SMCHD1: variants seen among roughly 807,000 people sequenced by gnomAD.
SMCHD1 encodes the protein structural maintenance of chromosomes flexible hinge domain-containing protein 1.
A neutral mutation model predicts 254.7 loss-of-function variants in SMCHD1; 78 were observed. The observed-to-expected ratio is 0.31, with a 90% confidence interval of 0.26 to 0.37. The LOEUF is 0.37. SMCHD1 is among the 10% of genes least tolerant of loss of function. SMCHD1 has a pLI of 1.00. For missense variants in SMCHD1, 1,840 were observed against 2,408.1 expected (o/e 0.76, Z 4.94); for synonymous variants, 766 against 794.9 (o/e 0.96, Z 0.61).
chr18:2,708,344 G>T (rs1030641419), intron 17 of SMCHD1, among the ~76,000 whole-genome samples: 8 of 152,028 alleles, frequency 5.3e-5, no homozygotes, highest in Non-Finnish European at 1.2e-4. Flanking sequence ...GAGGTTCTGG[G>T]TGAGCCTTGC....
chr18:2,690,647 T>TC (rs34548941), intron 7 of SMCHD1, among the ~76,000 whole-genome samples: 1 of 118,174 alleles, frequency 8.5e-6, no homozygotes, highest in Non-Finnish European at 1.9e-5. Context: ...AATTTTTTTC[T>TC]TTTTTTTTTT....
At chr18:2,689,372 C>T (rs888796011) in intron 7 of SMCHD1, among the ~76,000 whole-genome samples, 3 of 151,638 alleles carry the variant, frequency 2.0e-5, no homozygotes, top group Non-Finnish European at 4.4e-5. Flanking sequence ...TGCCTGCCAC[C>T]ATGCCCTGCT....
intron 32 of SMCHD1, 74 bp from the exon 33 acceptor site, chr18:2,751,204 A>C (rs1238354262): frequency 1.3e-6 from 1 of 753,818 alleles, no homozygotes; most frequent in East Asian, 2.9e-5. Flanking sequence ...TGTTTGCTTT[A>C]AGGCATACAA....
At chr18:2,702,158 T>C (rs2074414085) in intron 12 of SMCHD1, 1 of 152,024 alleles carries the variant, frequency 6.6e-6, no homozygotes, top group Non-Finnish European at 1.5e-5. Flanking sequence ...TATTTTCTAA[T>C]TTTGAAACAT....
intron 29 of SMCHD1, 97 bp from the exon 30 acceptor site, chr18:2,747,425 A>C: frequency 1.8e-6 from 2 of 1,092,474 alleles, no homozygotes; most frequent in Non-Finnish European, 2.5e-6. Context: ...CAAATAGAAC[A>C]GAGATAAATT....
At chr18:2,673,156 A>T in intron 3 of SMCHD1, 125 bp from the exon 4 acceptor site, 7 of 1,350,356 alleles carry the variant, frequency 5.2e-6, no homozygotes, top group Non-Finnish European at 6.7e-6. Flanking sequence ...TATCATTAGG[A>T]TCAGGATAAT....
intron 44 of SMCHD1, among the ~76,000 whole-genome samples, chr18:2,781,595 A>G (rs975814502): frequency 6.6e-6 from 1 of 152,224 alleles, no homozygotes; most frequent in Non-Finnish European, 1.5e-5. Context: ...AGAACAAGTT[A>G]AATTGAAAAA....
intron 37 of SMCHD1, among the ~76,000 whole-genome samples, chr18:2,768,439 G>C (rs1239088966): frequency 6.6e-6 from 1 of 151,934 alleles, no homozygotes; most frequent in Admixed American, 6.6e-5. Context: ...TCTTATAAGG[G>C]AAATTTGATA....
In SMCHD1 at chr18:2,728,148, T is replaced by C. The variant is rs141720890; in HGVS notation, c.2774-309T>C. Among the ~76,000 whole-genome samples the C allele has an allele frequency of 4.0e-3, 615 of 152,236 alleles. 6 individuals are homozygous for C. Among genetic ancestry groups the C allele is most frequent in the Non-Finnish European group, 5.9e-3 (398 of 67,940 alleles). On this transcript the variant is annotated intron_variant, in intron 22 of 47. Coordinates refer to ENST00000320876, the MANE Select transcript of SMCHD1 (RefSeq NM_015295.3). ...ATAAGCTGTTATTTTTGTTTTTGAA[T>C]ACCTTTTTCCCAGTATCTTTTAAAG...
intron 8 of SMCHD1, among the ~76,000 whole-genome samples, chr18:2,696,270 G>A (rs1000828317): frequency 1.3e-5 from 2 of 152,212 alleles, no homozygotes; most frequent in South Asian, 2.1e-4. Flanking sequence ...GGTCCCCAAC[G>A]CCCCGGTCGT....
At chr18:2,696,779 G>A (rs567711219) in intron 8 of SMCHD1, among the ~76,000 whole-genome samples, 8 of 152,198 alleles carry the variant, frequency 5.3e-5, no homozygotes, top group South Asian at 4.2e-4. Context: ...TGAAGCCCAC[G>A]GCTCCCTAAC....
chr18:2,800,002 G>A (rs1056863777), intron 47 of SMCHD1, among the ~76,000 whole-genome samples: 1 of 152,026 alleles, frequency 6.6e-6, no homozygotes. Flanking sequence ...TTCATTTTGC[G>A]TTCACGTTTG....
intron 26 of SMCHD1, among the ~76,000 whole-genome samples, chr18:2,738,931 CAT>C (rs3037637): frequency 0.19 from 29,068 of 152,106 alleles, 3,049 homozygotes; most frequent in South Asian, 0.27. Context: ...ATGTAGAACT[CAT>C]ATTGAAGGGA....
At position 2,763,895 on chromosome 18, in the gene SMCHD1, A is replaced by G. The variant is rs1288253662; in HGVS notation, c.4719+106A>G. ...GTATAGCTATGAAGATGTTCTAATC[A>G]TAGCACTAAATTGGGAAGTCAGCTG... On this transcript the variant is annotated intron_variant, in intron 37 of 47. Coordinates refer to ENST00000320876, the MANE Select transcript of SMCHD1 (RefSeq NM_015295.3). 5.9e-6 allele frequency: 6 copies of G among 1,021,936 alleles called. No individual in the cohort carries two copies. The East Asian group carries it at 1.7e-4, about 29-fold the overall frequency. The allele number at this position is 1,021,936 out of a possible 1,614,324, so 63.3% of individuals were successfully genotyped here.
chr18:2,666,693 A>G (rs563518580), intron 2 of SMCHD1, among the ~76,000 whole-genome samples, 177 bp from the exon 3 acceptor site: 1 of 152,322 alleles, frequency 6.6e-6, no homozygotes, highest in South Asian at 2.1e-4. Flanking sequence ...GGAAGGAAGT[A>G]TTTGTGCTTG....
intron 45 of SMCHD1, among the ~76,000 whole-genome samples, chr18:2,795,732 CTT>C (rs1186045323): frequency 6.6e-6 from 1 of 152,180 alleles, no homozygotes; most frequent in Non-Finnish European, 1.5e-5. Context: ...CAGAAGTAAA[CTT>C]AAGTCAAACA....
Position 2,796,469 on chromosome 18 carries a change from G to C in SMCHD1, c.5941G>C (p.Asp1981His). Residue 1981 changes from aspartate (D) to histidine (H), a missense_variant, in exon 47 of 48, where the codon GAT becomes CAT. Asp to His is a moderately conservative substitution (Grantham distance 81). This residue lies in a region of SMCHD1 where 132 missense variants were observed against 138.2 expected (regional missense o/e 0.95). Transcript: ENST00000320876. ...TCATTCACCAAAGGTTGAGACGACAGATTGTCCAGTTCCTCCTAAAAGAAT... is the reference window on the plus strand; with the variant it reads ...TCATTCACCAAAGGTTGAGACGACACATTGTCCAGTTCCTCCTAAAAGAAT... ...LRHSPKVETT[D>H]CPVPPKRMRR... The C allele has an allele frequency of 1.2e-6, 2 of 1,605,804 alleles. No individual in the cohort carries two copies. Among genetic ancestry groups the C allele is most frequent in the Non-Finnish European group, 1.7e-6 (2 of 1,176,034 alleles).
chr18:2,786,681 A>C (rs1348820726), intron 45 of SMCHD1, among the ~76,000 whole-genome samples: 1 of 152,114 alleles, frequency 6.6e-6, no homozygotes, highest in East Asian at 1.9e-4. Context: ...GACAAGAGCA[A>C]AACTCCATAT....
rs1363192392 is a variant in SMCHD1, at chr18:2,711,008, ACT to A, written c.2260+3091_2260+3092del. Among the ~76,000 whole-genome samples the A allele has an allele frequency of 5.3e-5, 8 of 151,624 alleles. No individual in the cohort carries two copies. The East Asian group carries it at 9.7e-4, about 18-fold the overall frequency. The stretch of plus-strand genomic sequence containing the variant: ...GGGGTTTTTTTTGAGACGGGTTCTC[ACT>A]CTGTCACCCAGGCTGGAATGATGCG... On this transcript the variant is annotated intron_variant, in intron 17 of 47. Transcript: ENST00000320876.
Sources: gnomAD v4.1 joint callset for allele counts (sites outside exome capture counted in the v4.1 genomes callset) on GRCh38, gnomAD v4.1.1 for gene constraint, gnomAD v4.1.1 regional missense constraint, MANE v1.5 for transcripts, NCBI Gene and HGNC (gene_info 2026-07-23, HGNC 2026-07-21) for gene names.